The following EIF3H variants were observed in gnomAD, a reference collection of about 807,000 sequenced individuals.
EIF3H encodes eukaryotic translation initiation factor 3 subunit H, also known as eIF-3-gamma.
Under a neutral mutation model 44.2 loss-of-function variants are expected in EIF3H, and 26 were observed. That is an observed-to-expected ratio of 0.59 (90% CI 0.43 to 0.82). The LOEUF (loss-of-function observed/expected upper bound fraction) is 0.82, where lower values mean the gene tolerates loss of function less well. Ranked by LOEUF, EIF3H falls within the 40% of genes least tolerant of loss-of-function variation. The pLI is 0.00. For missense variants in EIF3H, 359 were observed against 432.8 expected, an observed-to-expected ratio of 0.83 and a Z score of 1.51; for synonymous variants, 166 against 151.9, an observed-to-expected ratio of 1.09 and a Z score of -0.68.
intron 1 of EIF3H, among the ~76,000 whole-genome samples, chr8:116,755,139 CTTT>C: frequency 6.6e-6 from 1 of 152,262 alleles, no homozygotes; most frequent in East Asian, 1.9e-4. Context: ...CTTTGATATT[CTTT>C]TATGTTTTTC....
At chr8:116,705,953 G>A (rs1194260404) in intron 2 of EIF3H, among the ~76,000 whole-genome samples, 1 of 147,422 alleles carries the variant, frequency 6.8e-6, no homozygotes, top group Non-Finnish European at 1.5e-5. Flanking sequence ...AAAACAAAAA[G>A]TTTATTTAAA....
At chr8:116,690,672 G>C (rs1003314623) in intron 2 of EIF3H, among the ~76,000 whole-genome samples, 1 of 152,184 alleles carries the variant, frequency 6.6e-6, no homozygotes, top group African/African-American at 2.4e-5. Context: ...ACATTACTTT[G>C]ATCCTAACTG....
chr8:116,709,963 A>G (rs565599687), intron 2 of EIF3H, among the ~76,000 whole-genome samples: 1 of 152,334 alleles, frequency 6.6e-6, no homozygotes, highest in African/African-American at 2.4e-5. Context: ...CATTTTTTAC[A>G]AAGAGCTAGT....
chr8:116,653,990 A>C (rs1331670705), intron 5 of EIF3H, among the ~76,000 whole-genome samples: 1 of 152,248 alleles, frequency 6.6e-6, no homozygotes, highest in Non-Finnish European at 1.5e-5. Flanking sequence ...CTTTTATGGC[A>C]ACTGGCCTGA....
chr8:116,676,710 T>TA (rs1813853915), intron 2 of EIF3H, among the ~76,000 whole-genome samples: 1 of 152,236 alleles, frequency 6.6e-6, no homozygotes, highest in African/African-American at 2.4e-5. Flanking sequence ...AGGTTAAACA[T>TA]ACGATGTTCA....
intron 2 of EIF3H, among the ~76,000 whole-genome samples, chr8:116,711,009 T>C (rs1176200911): frequency 1.3e-5 from 2 of 152,204 alleles, no homozygotes; most frequent in Admixed American, 1.3e-4. Flanking sequence ...TTGCTATACA[T>C]ACATTTTAGA....
chr8:116,674,067 C>CAAAA (rs59899280), intron 2 of EIF3H, among the ~76,000 whole-genome samples: 5 of 49,664 alleles, frequency 1.0e-4, no homozygotes, highest in African/African-American at 3.7e-4. Context: ...AAGACTGTCT[C>CAAAA]AAAAAAAAAA....
At chr8:116,737,432 G>A (rs1815060889) in intron 1 of EIF3H, 4 of 356,862 alleles carry the variant, frequency 1.1e-5, no homozygotes, top group African/African-American at 2.2e-5. Context: ...GAGGCAGACC[G>A]ATTACCTGAG....
chr8:116,705,863 A>ATT (rs1344083084), intron 2 of EIF3H, among the ~76,000 whole-genome samples: 4 of 152,088 alleles, frequency 2.6e-5, no homozygotes, highest in African/African-American at 9.7e-5. Flanking sequence ...AGATGGGAAT[A>ATT]TTAAGGGAAA....
intron 2 of EIF3H, among the ~76,000 whole-genome samples, chr8:116,695,642 A>G (rs568428737): frequency 2.6e-5 from 4 of 152,240 alleles, no homozygotes; most frequent in Admixed American, 2.6e-4. Context: ...GAGGAATAGC[A>G]CAAGGAGTCA....
chr8:116,662,757 GCAC>G (rs1813603716), intron 2 of EIF3H, among the ~76,000 whole-genome samples: 1 of 152,194 alleles, frequency 6.6e-6, no homozygotes. Flanking sequence ...CTCCTGGCAG[GCAC>G]CATCAAGGGA....
chr8:116,693,973 GTATCA>G lies in EIF3H; in HGVS notation c.289+32038_289+32042del, dbSNP rs373201849. On this transcript the variant is annotated intron_variant, in intron 2 of 7. Coordinates refer to ENST00000521861, the MANE Select transcript of EIF3H (RefSeq NM_003756.3). ...CATGAGCTGTCACACCTGGCCAGAT[GTATCA>G]TATTTCAATCATTCTCCTACTGGTG... 6.0e-3 allele frequency among the ~76,000 whole-genome samples: 916 copies of G among 152,180 alleles called. 6 individuals carry two copies. Among genetic ancestry groups the G allele is most frequent in the African/African-American group, 0.02 (843 of 41,502 alleles).
At chr8:116,723,063 G>T (rs1814778921) in intron 2 of EIF3H, among the ~76,000 whole-genome samples, 1 of 152,086 alleles carries the variant, frequency 6.6e-6, no homozygotes, top group African/African-American at 2.4e-5. Context: ...TAATTGCAAT[G>T]AATATTATTT....
chr8:116,651,401 G>C (rs1055098256), intron 5 of EIF3H, among the ~76,000 whole-genome samples: 2 of 152,200 alleles, frequency 1.3e-5, no homozygotes, highest in Non-Finnish European at 2.9e-5. Context: ...AAGGAAACAG[G>C]TTGGGAATAT....
At chr8:116,696,192 C>T (rs1248823158) in intron 2 of EIF3H, among the ~76,000 whole-genome samples, 2 of 152,084 alleles carry the variant, frequency 1.3e-5, no homozygotes, top group South Asian at 2.1e-4. Flanking sequence ...AGGGAAGGTA[C>T]AAAATGAGCC....
At chr8:116,690,093 C>T (rs1367412568) in intron 2 of EIF3H, among the ~76,000 whole-genome samples, 1 of 152,108 alleles carries the variant, frequency 6.6e-6, no homozygotes, top group Non-Finnish European at 1.5e-5. Context: ...GAGGATACCA[C>T]GTCTCAGGTC....
At chr8:116,739,969 C>T (rs1397077672) in intron 1 of EIF3H, among the ~76,000 whole-genome samples, 2 of 148,472 alleles carry the variant, frequency 1.3e-5, no homozygotes, top group African/African-American at 2.6e-5. Context: ...ATAAAAATTA[C>T]TCACTAGAAA....
At chr8:116,737,195 C>G (rs1815056687) in intron 1 of EIF3H, 1 of 423,040 alleles carries the variant, frequency 2.4e-6, no homozygotes, top group African/African-American at 2.1e-5. Flanking sequence ...AACAAACATT[C>G]AAACCTGAAG....
intron 5 of EIF3H, among the ~76,000 whole-genome samples, chr8:116,655,604 A>G (rs1813475581): frequency 6.6e-6 from 1 of 152,168 alleles, no homozygotes; most frequent in South Asian, 2.1e-4. Flanking sequence ...ATGATACAGC[A>G]AAGAAGGCAG....
Sources: allele counts gnomAD v4.1 joint callset (sites outside exome capture counted in the v4.1 genomes callset), GRCh38; gene constraint gnomAD v4.1.1; transcripts MANE v1.5; gene names NCBI Gene and HGNC (gene_info 2026-07-23, HGNC 2026-07-21).